Variants in SDK1 observed in about 807,000 individuals in gnomAD.
SDK1 encodes sidekick cell adhesion molecule 1.
In SDK1, 157 loss-of-function variants were observed where a neutral mutation model predicts 245.5. The observed-to-expected ratio is 0.64, with a 90% CI of 0.56 to 0.73. SDK1 has a LOEUF of 0.73. Ranked by LOEUF, SDK1 falls within the 30% of genes least tolerant of loss-of-function variation. SDK1 has a pLI of 0.00. For synonymous variants in SDK1, 1,647 were observed against 1,278.5 expected (o/e 1.29, Z -6.15); for missense variants, 3,583 against 3,002.3 (o/e 1.19, Z -4.52).
intron 5 of SDK1, among the ~76,000 whole-genome samples, chr7:3,914,356 T>TA (rs1480727992): frequency 6.6e-6 from 1 of 152,198 alleles, no homozygotes; most frequent in Admixed American, 6.5e-5. Flanking sequence ...CAAAGATTGT[T>TA]ATGTCAAAAA....
intron 17 of SDK1, among the ~76,000 whole-genome samples, chr7:4,047,198 C>G (rs1340933199): frequency 6.6e-6 from 1 of 152,036 alleles, no homozygotes; most frequent in Non-Finnish European, 1.5e-5. Context: ...TTTAAAAAAT[C>G]ACAATTGATT....
chr7:3,616,597 T>C (rs1229595704), intron 1 of SDK1, among the ~76,000 whole-genome samples: 1 of 152,218 alleles, frequency 6.6e-6, no homozygotes, highest in Non-Finnish European at 1.5e-5. Flanking sequence ...GTTCTTGCCG[T>C]ACTCATAGAT....
chr7:4,075,728 C>T (rs1332406368), intron 20 of SDK1, among the ~76,000 whole-genome samples: 1 of 151,578 alleles, frequency 6.6e-6, no homozygotes, highest in African/African-American at 2.4e-5. Context: ...AATCTTGGCT[C>T]ACTGCAACCT....
Position 4,011,112 on chromosome 7 carries a change from A to G in SDK1, c.2278A>G (p.Arg760Gly). 6.2e-7 allele frequency: 1 copy of G among 1,613,532 alleles called. No homozygotes were observed. Reference sequence around the variant, plus strand: ...GGGCCAGTACAGCGCCGAGACAAGCAGGTGCGTGAATCCCGCCCCAGGTGG... The same window carrying G: ...GGGCCAGTACAGCGCCGAGACAAGCGGGTGCGTGAATCCCGCCCCAGGTGG... The part of the protein sequence containing the change: ...GRGQYSAETS[R>G]LMLPEEPPSA... The change falls in exon 15 of 45, where the codon AGG becomes GGG. Residue 760 changes from arginine to glycine, a missense_variant and splice_region_variant. Coordinates refer to ENST00000404826, the MANE Select transcript of SDK1 (RefSeq NM_152744.4).
chr7:3,306,794 G>A (rs1779427264), intron 1 of SDK1, among the ~76,000 whole-genome samples: 1 of 152,188 alleles, frequency 6.6e-6, no homozygotes, highest in Admixed American at 6.5e-5. Flanking sequence ...TGGCAGAGGT[G>A]TGTGGCATGT....
At chr7:3,553,464 G>T (rs915377581) in intron 1 of SDK1, among the ~76,000 whole-genome samples, 1 of 152,002 alleles carries the variant, frequency 6.6e-6, no homozygotes, top group Non-Finnish European at 1.5e-5. Flanking sequence ...ATGGTTTGGG[G>T]CCCAGGACTA....
chr7:3,707,910 C>G (rs1784936678), intron 4 of SDK1, among the ~76,000 whole-genome samples: 1 of 152,096 alleles, frequency 6.6e-6, no homozygotes, highest in Non-Finnish European at 1.5e-5. Context: ...CATGGAATAT[C>G]TTTTTCCATC....
chr7:3,591,891 G>A (rs1780886783), intron 1 of SDK1, among the ~76,000 whole-genome samples: 1 of 152,192 alleles, frequency 6.6e-6, no homozygotes, highest in Non-Finnish European at 1.5e-5. Flanking sequence ...GGGAACCTGG[G>A]GTGGTGTCTG....
chr7:4,069,428 G>C (rs532934875), intron 20 of SDK1, among the ~76,000 whole-genome samples: 1 of 152,186 alleles, frequency 6.6e-6, no homozygotes, highest in East Asian at 1.9e-4. Context: ...CTCATGTCCC[G>C]GCAGGGGCTC....
chr7:3,669,015 A>G (rs769958665), intron 4 of SDK1, among the ~76,000 whole-genome samples: 1 of 152,202 alleles, frequency 6.6e-6, no homozygotes, highest in Non-Finnish European at 1.5e-5. Context: ...ACAATTGGCC[A>G]CATAAGGGCT....
chr7:3,463,734 G>T (rs1029367332), intron 1 of SDK1, among the ~76,000 whole-genome samples: 1 of 152,136 alleles, frequency 6.6e-6, no homozygotes, highest in Non-Finnish European at 1.5e-5. Flanking sequence ...CTCTCTGCTG[G>T]TCTCACTCCT....
At chr7:3,791,165 C>A (rs6977098) in intron 4 of SDK1, among the ~76,000 whole-genome samples, 10,452 of 139,826 alleles carry the variant, frequency 0.075, 1,067 homozygotes, top group African/African-American at 0.25. Flanking sequence ...TTAAAAACAA[C>A]AAAAAAAAAA....
chr7:3,521,811 T>TGCC (rs1782949498), intron 1 of SDK1, among the ~76,000 whole-genome samples: 1 of 152,148 alleles, frequency 6.6e-6, no homozygotes. Context: ...AATATACAGT[T>TGCC]GTACAAGGTT....
At chr7:3,894,540 C>T (rs1781547242) in intron 5 of SDK1, among the ~76,000 whole-genome samples, 1 of 139,304 alleles carries the variant, frequency 7.2e-6, no homozygotes, top group African/African-American at 2.9e-5. Flanking sequence ...TGAAAGGAAC[C>T]CTGAGCCTCA....
intron 5 of SDK1, among the ~76,000 whole-genome samples, chr7:3,925,420 C>T (rs1779733395): frequency 6.6e-6 from 1 of 152,232 alleles, no homozygotes; most frequent in Admixed American, 6.5e-5. Flanking sequence ...GGGTTCCCTG[C>T]TCAAGCTGTT....
intron 19 of SDK1, among the ~76,000 whole-genome samples, chr7:4,055,566 G>T (rs1439523884): frequency 6.7e-6 from 1 of 149,410 alleles, no homozygotes; most frequent in Non-Finnish European, 1.5e-5. Flanking sequence ...TTTGTTTTTT[G>T]TTTTTTTAGA....
intron 13 of SDK1, among the ~76,000 whole-genome samples, chr7:3,979,372 G>T (rs1783218238): frequency 6.6e-6 from 1 of 152,144 alleles, no homozygotes; most frequent in African/African-American, 2.4e-5. Context: ...CTGGGGCTGG[G>T]AACTTTCTAG....
At chr7:3,807,026 G>T (rs572970278) in intron 4 of SDK1, among the ~76,000 whole-genome samples, 1 of 152,038 alleles carries the variant, frequency 6.6e-6, no homozygotes, top group Non-Finnish European at 1.5e-5. Context: ...AGGCAAATCT[G>T]AAGTTGTCAT....
intron 17 of SDK1, among the ~76,000 whole-genome samples, chr7:4,024,128 T>G (rs1787147826): frequency 6.6e-6 from 1 of 152,240 alleles, no homozygotes; most frequent in South Asian, 2.1e-4. Flanking sequence ...TGATTTATTC[T>G]GGTTTCAGAA....
Sources: allele counts gnomAD v4.1 joint callset (sites outside exome capture counted in the v4.1 genomes callset), GRCh38; gene constraint gnomAD v4.1.1; transcripts MANE v1.5; gene names NCBI Gene and HGNC (gene_info 2026-07-23, HGNC 2026-07-21).